The following SCD5 variants were observed in gnomAD, a reference collection of about 807,000 sequenced individuals.
The protein encoded by SCD5 is acyl-CoA-desaturase 4.
Under a neutral mutation model 30.4 loss-of-function variants are expected in SCD5, and 20 were observed. The observed-to-expected ratio is 0.66, with a 90% CI of 0.46 to 0.96. SCD5 has a LOEUF of 0.96. Ranked by LOEUF, SCD5 falls within the 40% of genes least tolerant of loss-of-function variation. The pLI, the probability that SCD5 is intolerant of heterozygous loss-of-function variation, is 0.00. For missense variants in SCD5, 381 were observed against 443.3 expected (o/e 0.86, Z 1.26); for synonymous variants, 173 against 176.4 (o/e 0.98, Z 0.16).
At chr4:82,732,805 G>A (rs1720671698) in intron 1 of SCD5, among the ~76,000 whole-genome samples, 1 of 152,202 alleles carries the variant, frequency 6.6e-6, no homozygotes, top group African/African-American at 2.4e-5. Context: ...ACAGAGCTCA[G>A]GGAAAGAAAC....
At chr4:82,718,007 G>GA (rs202149433) in intron 1 of SCD5, among the ~76,000 whole-genome samples, 3,618 of 127,020 alleles carry the variant, frequency 0.028, 85 homozygotes, top group Admixed American at 0.046. Flanking sequence ...TCAGGCAAGT[G>GA]AAAAAAAAAA....
intron 1 of SCD5, among the ~76,000 whole-genome samples, chr4:82,733,518 A>T (rs951421372): frequency 1.3e-5 from 2 of 152,186 alleles, no homozygotes; most frequent in Admixed American, 1.3e-4. Context: ...AATATGCATA[A>T]GTGTGCCTGA....
rs186543054 is a variant in SCD5, at chr4:82,796,257, G to A, written c.232+2049C>T. ...TGCACTCCAGCCTGGGCGACAGAGC[G>A]AGACTCTGTCTCAAAAAAAAAAAAA... On this transcript the variant is annotated intron_variant, in intron 1 of 4. Coordinates refer to ENST00000319540, the MANE Select transcript of SCD5 (RefSeq NM_001037582.3). Among the ~76,000 whole-genome samples the A allele has an allele frequency of 6.7e-3, 990 of 147,354 alleles. 4 individuals are homozygous for A. Among genetic ancestry groups the A allele is most frequent in the Non-Finnish European group, 0.011 (707 of 67,222 alleles).
intron 2 of SCD5, among the ~76,000 whole-genome samples, chr4:82,685,515 C>A (rs2148822628): frequency 6.6e-6 from 1 of 152,100 alleles, no homozygotes; most frequent in East Asian, 1.9e-4. Context: ...GAGTTCGAGA[C>A]CAGCCTGGCC....
chr4:82,681,140 G>C (rs1728564204), intron 2 of SCD5, among the ~76,000 whole-genome samples: 1 of 152,212 alleles, frequency 6.6e-6, no homozygotes, highest in South Asian at 2.1e-4. Flanking sequence ...GCTTACGTGT[G>C]GGACGTACCC....
At chr4:82,680,633 T>G in intron 3 of SCD5, 74 bp downstream of exon 3, 1 of 1,358,278 alleles carries the variant, frequency 7.4e-7, no homozygotes, top group Non-Finnish European at 1.1e-6. Context: ...TATGGGGTTA[T>G]GAGTCCACCT....
intron 3 of SCD5, among the ~76,000 whole-genome samples, chr4:82,664,999 C>CTCTCTCTCTCTCTCTCTCTATATA (rs1219554314): frequency 2.8e-5 from 2 of 70,494 alleles, no homozygotes; most frequent in Non-Finnish European, 4.7e-5. Flanking sequence ...CTCTCTCTCT[C>CTCTCTCTCTCTCTCTCTCTATATA]TATATATATA....
chr4:82,778,582 G>A (rs985817395), intron 1 of SCD5, among the ~76,000 whole-genome samples: 4 of 152,198 alleles, frequency 2.6e-5, no homozygotes, highest in African/African-American at 9.7e-5. Context: ...CCAGGGAGGG[G>A]AGGACAAGGT....
chr4:82,780,129 G>C (rs1180399085), intron 1 of SCD5, among the ~76,000 whole-genome samples: 1 of 152,226 alleles, frequency 6.6e-6, no homozygotes, highest in Non-Finnish European at 1.5e-5. Context: ...AGGAACATCT[G>C]TAGCCAGTTT....
chr4:82,713,242 G>A (rs1414083011), intron 1 of SCD5, among the ~76,000 whole-genome samples: 2 of 152,180 alleles, frequency 1.3e-5, no homozygotes, highest in Admixed American at 6.5e-5. Flanking sequence ...TTTTCCTCAA[G>A]TGTCCTTCCT....
At chr4:82,717,897 C>A (rs1189177078) in intron 1 of SCD5, among the ~76,000 whole-genome samples, 1 of 150,888 alleles carries the variant, frequency 6.6e-6, no homozygotes, top group Non-Finnish European at 1.5e-5. Flanking sequence ...GCCTGGGCGA[C>A]AGAGTGAGAT....
intron 3 of SCD5, among the ~76,000 whole-genome samples, chr4:82,679,260 G>GT: frequency 1.0e-5 from 1 of 99,540 alleles, no homozygotes; most frequent in East Asian, 5.9e-4. Flanking sequence ...AAGAAAGAAA[G>GT]AAGGAAGGAA....
At chr4:82,724,949 C>A (rs557963390) in intron 1 of SCD5, among the ~76,000 whole-genome samples, 1 of 152,094 alleles carries the variant, frequency 6.6e-6, no homozygotes, top group Non-Finnish European at 1.5e-5. Context: ...TAATAAGAAA[C>A]AATTTTCACT....
chr4:82,715,418 G>A (rs566672485), intron 1 of SCD5, among the ~76,000 whole-genome samples: 23 of 151,468 alleles, frequency 1.5e-4, no homozygotes, highest in African/African-American at 5.1e-4. Flanking sequence ...GTGCTGAACC[G>A]ATGGGCTTCC....
At chr4:82,677,406 A>G (rs1728459810) in intron 3 of SCD5, among the ~76,000 whole-genome samples, 1 of 152,224 alleles carries the variant, frequency 6.6e-6, no homozygotes, top group African/African-American at 2.4e-5. Context: ...CATGCAGCCC[A>G]GGGTAGCATG....
At chr4:82,658,878 T>C (rs979707356) in intron 3 of SCD5, among the ~76,000 whole-genome samples, 1 of 152,132 alleles carries the variant, frequency 6.6e-6, no homozygotes, top group Non-Finnish European at 1.5e-5. Flanking sequence ...TCCCTCTTTT[T>C]CTATTGTTTG....
intron 1 of SCD5, among the ~76,000 whole-genome samples, chr4:82,785,670 G>A (rs1721970774): frequency 6.6e-6 from 1 of 152,160 alleles, no homozygotes; most frequent in Non-Finnish European, 1.5e-5. Flanking sequence ...ATGACAAGGG[G>A]TGGAGAGAAA....
chr4:82,705,144 T>C (rs1199656459), intron 2 of SCD5, 139 bp downstream of exon 2: 22 of 1,078,576 alleles, frequency 2.0e-5, no homozygotes, highest in Non-Finnish European at 2.9e-5. Flanking sequence ...AGATAAAAAC[T>C]TGGGACAGAC....
intron 1 of SCD5, among the ~76,000 whole-genome samples, chr4:82,735,535 A>C (rs192514585): frequency 2.2e-4 from 33 of 152,316 alleles, no homozygotes; most frequent in African/African-American, 7.7e-4. Context: ...ACAATAAACG[A>C]CGCAGTGCGA....
Sources: gnomAD v4.1 joint callset for allele counts (sites outside exome capture counted in the v4.1 genomes callset) on GRCh38, gnomAD v4.1.1 for gene constraint, MANE v1.5 for transcripts, NCBI Gene and HGNC (gene_info 2026-07-23, HGNC 2026-07-21) for gene names.